Variants in CACUL1 observed in about 807,000 individuals in gnomAD.
CACUL1 encodes the protein CDK2 associated cullin domain 1.
In CACUL1, 13 loss-of-function variants were observed where a neutral mutation model predicts 45.2. The ratio of observed to expected loss-of-function variants is 0.29; its 90% CI spans 0.19 to 0.46. The LOEUF (loss-of-function observed/expected upper bound fraction) is 0.46, where lower values mean the gene tolerates loss of function less well. Ranked by LOEUF, CACUL1 falls within the 20% of genes least tolerant of loss-of-function variation. The pLI is 1.00. For missense variants in CACUL1, 421 were observed against 471.4 expected, an observed-to-expected ratio of 0.89 and a Z score of 0.99; for synonymous variants, 197 against 174.2, an observed-to-expected ratio of 1.13 and a Z score of -1.03.
intron 3 of CACUL1, among the ~76,000 whole-genome samples, chr10:118,711,860 G>A (rs1286512008): frequency 6.6e-6 from 1 of 152,084 alleles, no homozygotes; most frequent in Non-Finnish European, 1.5e-5. Flanking sequence ...AATTTTAGCA[G>A]TCTTCTAAAA....
chr10:118,702,673 C>T (rs553650553), intron 4 of CACUL1, among the ~76,000 whole-genome samples: 9 of 151,840 alleles, frequency 5.9e-5, no homozygotes, highest in African/African-American at 2.2e-4. Flanking sequence ...CCTCTGCTTC[C>T]CCGGTTCAAA....
intron 3 of CACUL1, among the ~76,000 whole-genome samples, chr10:118,718,672 T>A (rs1589611188): frequency 6.6e-6 from 1 of 152,232 alleles, no homozygotes; most frequent in South Asian, 2.1e-4. Context: ...ACCTCCCGGG[T>A]TCACGACTTT....
At chr10:118,726,557 A>T (rs1221737938) in intron 3 of CACUL1, among the ~76,000 whole-genome samples, 2 of 152,202 alleles carry the variant, frequency 1.3e-5, no homozygotes, top group Non-Finnish European at 2.9e-5. Context: ...AAGAAATGCC[A>T]ATAGTCTGTT....
intron 3 of CACUL1, among the ~76,000 whole-genome samples, chr10:118,724,525 G>GT (rs912815889): frequency 3.3e-5 from 5 of 151,954 alleles, no homozygotes; most frequent in East Asian, 1.9e-4. Flanking sequence ...AACCACTCAA[G>GT]TTTTTTTTAC....
At chr10:118,727,871 A>C (rs1046354966) in intron 3 of CACUL1, among the ~76,000 whole-genome samples, 2 of 152,224 alleles carry the variant, frequency 1.3e-5, no homozygotes, top group African/African-American at 4.8e-5. Context: ...AACTGGATTC[A>C]GGTAGAAATT....
At chr10:118,733,241 G>T (rs1231769389) in intron 1 of CACUL1, among the ~76,000 whole-genome samples, 1 of 152,132 alleles carries the variant, frequency 6.6e-6, no homozygotes, top group African/African-American at 2.4e-5. Context: ...GACTGCTGAT[G>T]CTTTTAAATA....
intron 1 of CACUL1, among the ~76,000 whole-genome samples, chr10:118,751,494 C>A (rs1845897852): frequency 6.6e-6 from 1 of 152,272 alleles, no homozygotes; most frequent in African/African-American, 2.4e-5. Context: ...TATGATGCCA[C>A]TTAAAAAGTT....
chr10:118,719,352 C>T (rs1352735119), intron 3 of CACUL1, among the ~76,000 whole-genome samples: 1 of 152,120 alleles, frequency 6.6e-6, no homozygotes. Flanking sequence ...AAAAATCTGC[C>T]TTTAGATGAC....
At chr10:118,724,233 T>C (rs988933874) in intron 3 of CACUL1, among the ~76,000 whole-genome samples, 4 of 152,220 alleles carry the variant, frequency 2.6e-5, no homozygotes, top group Non-Finnish European at 5.9e-5. Context: ...CTCTATTAAA[T>C]TTCTCAGCTC....
Position 118,754,882 on chromosome 10 carries a change from A to T in CACUL1, c.-120T>A. 1 of 1,380,656 alleles carries T rather than the reference A, an allele frequency of 7.2e-7. No homozygotes were observed. The allele number at this position is 1,380,656 out of a possible 1,614,324, so 85.5% of individuals were successfully genotyped here. A position where few individuals can be genotyped will look rare whatever the true frequency, so the allele number is the denominator to read the frequency against. On this transcript the variant is annotated 5_prime_UTR_variant, in exon 1 of 9. Transcript: ENST00000369151. Reference sequence around the variant, plus strand: ...CCGGCGGCAGGAATGGGCGCAGCGGAGAGGGCTGCGGTGCGCAGGGTCTCT... The same window carrying T: ...CCGGCGGCAGGAATGGGCGCAGCGGTGAGGGCTGCGGTGCGCAGGGTCTCT...
chr10:118,748,674 A>G (rs1845867272), intron 1 of CACUL1, among the ~76,000 whole-genome samples: 1 of 152,320 alleles, frequency 6.6e-6, no homozygotes, highest in Admixed American at 6.5e-5. Context: ...GGGATGCTCA[A>G]TCATTTGGTA....
Position 118,683,417 on chromosome 10 carries a change from C to T in CACUL1, c.*2711G>A, listed in dbSNP as rs1328770182. Reference sequence around the variant, plus strand: ...AAAAAAAAAAAAAAAAGGCCAGGTGCAGTGGCTCACACCTATAATCCCAGC... The same window carrying T: ...AAAAAAAAAAAAAAAAGGCCAGGTGTAGTGGCTCACACCTATAATCCCAGC... On this transcript the variant is annotated 3_prime_UTR_variant, in exon 9 of 9. Transcript: ENST00000369151. 2.8e-5 allele frequency: 4 copies of T among 145,076 alleles called. No individual in the cohort carries two copies. The East Asian group carries it at 6.0e-4, about 22-fold the overall frequency. The allele number at this position is 145,076 out of a possible 1,614,324, so 9.0% of individuals were successfully genotyped here. A position where few individuals can be genotyped will look rare whatever the true frequency, so the allele number is the denominator to read the frequency against.
intron 3 of CACUL1, among the ~76,000 whole-genome samples, chr10:118,709,866 G>C (rs991182367): frequency 2.0e-5 from 3 of 151,886 alleles, no homozygotes; most frequent in African/African-American, 7.3e-5. Context: ...TCTGGTGCAC[G>C]CTAGGTGCTT....
At chr10:118,696,517 G>A (rs957194624) in intron 5 of CACUL1, among the ~76,000 whole-genome samples, 6 of 152,282 alleles carry the variant, frequency 3.9e-5, no homozygotes, top group East Asian at 1.9e-4. Context: ...GGCGGCAGGC[G>A]CCTGTAATCC....
intron 3 of CACUL1, among the ~76,000 whole-genome samples, chr10:118,717,271 C>T (rs951837414): frequency 3.3e-5 from 5 of 152,234 alleles, no homozygotes; most frequent in Admixed American, 1.3e-4. Context: ...CAGGCATTTA[C>T]TGCAGGACAA....
chr10:118,731,364 C>T (rs973263936), intron 1 of CACUL1, among the ~76,000 whole-genome samples: 1 of 152,154 alleles, frequency 6.6e-6, no homozygotes, highest in African/African-American at 2.4e-5. Context: ...CAAAGCCTTC[C>T]CAGTATCTTT....
intron 4 of CACUL1, among the ~76,000 whole-genome samples, chr10:118,706,859 A>G (rs1414262933): frequency 6.6e-6 from 1 of 152,244 alleles, no homozygotes; most frequent in Non-Finnish European, 1.5e-5. Flanking sequence ...TAAGATTGCT[A>G]TCCACATACA....
At position 118,707,360 on chromosome 10, in the gene CACUL1, GA is replaced by G. The variant is rs1845442128; in HGVS notation, c.693+131del. On this transcript the variant is annotated intron_variant, in intron 4 of 8. Coordinates refer to ENST00000369151, the MANE Select transcript of CACUL1 (RefSeq NM_153810.5). ...ATGTCAACAACTATCGCACATTACT[GA>G]AATAACTTAATTTCCATTTCTAACA... 2.4e-5 allele frequency: 12 copies of G among 501,214 alleles called. 1 individual carries two copies. In the South Asian group the frequency reaches 4.0e-4, roughly 17 times the overall value. 31.0% of individuals were successfully genotyped at this position (501,214 alleles called of 1,614,324 possible). A position where few individuals can be genotyped will look rare whatever the true frequency, so the allele number is the denominator to read the frequency against.
chr10:118,744,215 C>G (rs1238810856), intron 1 of CACUL1, among the ~76,000 whole-genome samples: 1 of 152,112 alleles, frequency 6.6e-6, no homozygotes, highest in Admixed American at 6.5e-5. Context: ...GCAGAAACCC[C>G]GTCTCTACTA....
Sources: gnomAD v4.1 joint callset for allele counts (sites outside exome capture counted in the v4.1 genomes callset) on GRCh38, gnomAD v4.1.1 for gene constraint, MANE v1.5 for transcripts, NCBI Gene and HGNC (gene_info 2026-07-23, HGNC 2026-07-21) for gene names.